BMPR1B: variants seen among roughly 807,000 people sequenced by gnomAD.
The protein encoded by BMPR1B is bone morphogenetic protein receptor type 1B.
In BMPR1B, 12 loss-of-function variants were observed where a neutral mutation model predicts 59.1. The observed-to-expected ratio is 0.20, with a 90% CI of 0.13 to 0.33. The LOEUF is 0.33. Ranked by LOEUF, BMPR1B falls within the 10% of genes least tolerant of loss-of-function variation. The pLI is 1.00. For synonymous variants in BMPR1B, 237 were observed against 207.3 expected, an observed-to-expected ratio of 1.14 and a Z score of -1.23; for missense variants, 550 against 610.9, an observed-to-expected ratio of 0.90 and a Z score of 1.05.
chr4:94,852,174 A>G (rs1314195575), intron 1 of BMPR1B, among the ~76,000 whole-genome samples: 3 of 152,294 alleles, frequency 2.0e-5, no homozygotes, highest in African/African-American at 7.2e-5. Context: ...GAGGTACAGT[A>G]TTCAGCTGGG....
intron 1 of BMPR1B, among the ~76,000 whole-genome samples, chr4:94,794,659 T>C (rs1020110741): frequency 2.0e-5 from 3 of 151,672 alleles, no homozygotes; most frequent in African/African-American, 4.9e-5. Flanking sequence ...GAGCATGGAA[T>C]GTTCTTCCAT....
chr4:95,135,812 G>T (rs556344228), intron 10 of BMPR1B, among the ~76,000 whole-genome samples: 28 of 152,174 alleles, frequency 1.8e-4, no homozygotes, highest in African/African-American at 6.5e-4. Context: ...CTGCAAACAG[G>T]GACAATTTAA....
intron 10 of BMPR1B, among the ~76,000 whole-genome samples, chr4:95,134,025 C>A (rs1276871338): frequency 2.0e-5 from 3 of 152,198 alleles, no homozygotes; most frequent in African/African-American, 4.8e-5. Flanking sequence ...TATCCCTCCC[C>A]CCTCCACCCC....
chr4:94,969,178 G>A (rs961901548), intron 2 of BMPR1B, among the ~76,000 whole-genome samples: 4 of 151,986 alleles, frequency 2.6e-5, no homozygotes, highest in African/African-American at 9.7e-5. Context: ...GGGACTACAT[G>A]TGCCCGCCAC....
At chr4:94,944,659 T>A (rs1033252942) in intron 2 of BMPR1B, among the ~76,000 whole-genome samples, 1 of 152,208 alleles carries the variant, frequency 6.6e-6, no homozygotes, top group African/African-American at 2.4e-5. Flanking sequence ...ATGTTTATAC[T>A]TTTTGGTTAG....
At chr4:94,942,318 A>G (rs1729549491) in intron 2 of BMPR1B, among the ~76,000 whole-genome samples, 1 of 152,226 alleles carries the variant, frequency 6.6e-6, no homozygotes, top group East Asian at 1.9e-4. Context: ...TCCTTAATAA[A>G]GAAGTAAACA....
chr4:95,023,445 G>A (rs1193830879), intron 3 of BMPR1B, among the ~76,000 whole-genome samples: 5 of 152,054 alleles, frequency 3.3e-5, no homozygotes, highest in East Asian at 3.9e-4. Context: ...GCAGTAGCTC[G>A]TTCATGGGTC....
intron 1 of BMPR1B, among the ~76,000 whole-genome samples, chr4:94,856,919 CTT>C (rs1263592752): frequency 6.6e-6 from 1 of 152,170 alleles, no homozygotes; most frequent in East Asian, 1.9e-4. Flanking sequence ...ATTTATGAAA[CTT>C]CAGCAAAGAG....
chr4:94,989,407 A>G (rs1157527448), intron 2 of BMPR1B, among the ~76,000 whole-genome samples: 1 of 151,812 alleles, frequency 6.6e-6, no homozygotes, highest in African/African-American at 2.4e-5. Context: ...AAAAAAACAA[A>G]AAAAATCATT....
chr4:94,990,732 T>G (rs1002300480), intron 2 of BMPR1B, among the ~76,000 whole-genome samples: 30 of 152,186 alleles, frequency 2.0e-4, no homozygotes, highest in Non-Finnish European at 2.9e-5. Flanking sequence ...TTAGGGTACA[T>G]GTGCACAGCA....
At chr4:95,006,315 C>T (rs371431758) in intron 3 of BMPR1B, among the ~76,000 whole-genome samples, 9 of 146,884 alleles carry the variant, frequency 6.1e-5, no homozygotes, top group South Asian at 4.4e-4. Flanking sequence ...GAGGCTGAGG[C>T]GGGTGGATCA....
intron 2 of BMPR1B, among the ~76,000 whole-genome samples, chr4:94,991,154 C>T (rs550128736): frequency 1.8e-4 from 27 of 152,184 alleles, no homozygotes; most frequent in Non-Finnish European, 5.9e-5. Context: ...TGACTCTGTC[C>T]TCATTCAGCC....
In BMPR1B at chr4:94,965,777, A is replaced by AGAGAGTGTGTGTGTAT. The variant is rs149275419; in HGVS notation, c.-112-30262_-112-30261insAGAGTGTGTGTGTATG. 1.2e-3 allele frequency among the ~76,000 whole-genome samples: 182 copies of AGAGAGTGTGTGTGTAT among 152,188 alleles called. 4 individuals are homozygous for AGAGAGTGTGTGTGTAT. Among genetic ancestry groups the AGAGAGTGTGTGTGTAT allele is most frequent in the African/African-American group, 4.3e-3 (177 of 41,510 alleles). On this transcript the variant is annotated intron_variant, in intron 2 of 12. Coordinates refer to ENST00000515059, the MANE Select transcript of BMPR1B (RefSeq NM_001203.3). Reference sequence around the variant, plus strand: ...TGAAAGAGTAAATTGTGTGTGTGAGAGTGTATGTGTTCTCATGTTTACACA... The same window carrying AGAGAGTGTGTGTGTAT: ...TGAAAGAGTAAATTGTGTGTGTGAGAGAGAGTGTGTGTGTATGTGTATGTGTTCTCATGTTTACACA...
chr4:95,135,862 C>T (rs1305837343), intron 10 of BMPR1B, among the ~76,000 whole-genome samples: 1 of 152,098 alleles, frequency 6.6e-6, no homozygotes, highest in Non-Finnish European at 1.5e-5. Flanking sequence ...ATTTCTTTCT[C>T]CTGCTGGATT....
chr4:95,091,487 T>C (rs78504569), intron 3 of BMPR1B: 17,734 of 985,322 alleles, frequency 0.018, 176 homozygotes, highest in Non-Finnish European at 0.02. Context: ...AACTGCTGAA[T>C]AACATATCAC....
At position 94,956,014 on chromosome 4, in the gene BMPR1B, A is replaced by T. The variant is rs115605989; in HGVS notation, c.-112-40026A>T. 7.4e-3 allele frequency among the ~76,000 whole-genome samples: 1,132 copies of T among 152,300 alleles called. 15 individuals carry two copies. The highest frequency in any genetic ancestry group is 0.023 in the African/African-American group (969 of 41,572). On this transcript the variant is annotated intron_variant, in intron 2 of 12. Coordinates refer to ENST00000515059, the MANE Select transcript of BMPR1B (RefSeq NM_001203.3). ...ATAAATGAGGAATCAGATGTTGCCA[A>T]TAGATTTTATTTAGTTGTGTTTGTG...
chr4:94,857,434 C>T (rs901322354), intron 1 of BMPR1B, among the ~76,000 whole-genome samples: 6 of 152,036 alleles, frequency 3.9e-5, no homozygotes, highest in African/African-American at 1.4e-4. Flanking sequence ...TATAAAATGA[C>T]AACAGAATTT....
At chr4:95,071,061 T>C (rs550211268) in intron 3 of BMPR1B, among the ~76,000 whole-genome samples, 1 of 152,300 alleles carries the variant, frequency 6.6e-6, no homozygotes, top group African/African-American at 2.4e-5. Context: ...TCAAGTAAGA[T>C]TTTTGGTATG....
chr4:95,107,353 T>C (rs1731263962), intron 4 of BMPR1B, among the ~76,000 whole-genome samples: 1 of 152,020 alleles, frequency 6.6e-6, no homozygotes, highest in African/African-American at 2.4e-5. Flanking sequence ...AGTTTAGAGA[T>C]ATTTAATGTA....
Sources: gnomAD v4.1 joint callset for allele counts (sites outside exome capture counted in the v4.1 genomes callset) on GRCh38, gnomAD v4.1.1 for gene constraint, MANE v1.5 for transcripts, NCBI Gene and HGNC (gene_info 2026-07-23, HGNC 2026-07-21) for gene names.